CTNNA3: variants seen among roughly 807,000 people sequenced by gnomAD.
The protein encoded by CTNNA3 is catenin alpha-3.
A neutral mutation model predicts 95.7 loss-of-function variants in CTNNA3; 76 were observed. The ratio of observed to expected loss-of-function variants is 0.79; its 90% CI spans 0.66 to 0.96. The LOEUF (loss-of-function observed/expected upper bound fraction) is 0.96, where lower values mean the gene tolerates loss of function less well. CTNNA3 is among the 40% of genes least tolerant of loss of function. CTNNA3 has a pLI of 0.00. For synonymous variants in CTNNA3, 431 were observed against 374.4 expected (o/e 1.15, Z -1.74); for missense variants, 1,191 against 1,089.8 (o/e 1.09, Z -1.31).
intron 10 of CTNNA3, among the ~76,000 whole-genome samples, chr10:66,584,473 T>C (rs1431069108): frequency 2.0e-5 from 3 of 152,042 alleles, no homozygotes; most frequent in Non-Finnish European, 2.9e-5. Context: ...CTCTAAAGTC[T>C]ATTTTATTTG....
chr10:66,430,947 A>G, intron 11 of CTNNA3, among the ~76,000 whole-genome samples: 1 of 152,178 alleles, frequency 6.6e-6, no homozygotes, highest in Non-Finnish European at 1.5e-5. Context: ...AAAAGAAACT[A>G]CCGTCAGAGT....
chr10:67,042,924 C>A (rs139174381), intron 7 of CTNNA3, among the ~76,000 whole-genome samples: 1 of 151,944 alleles, frequency 6.6e-6, no homozygotes, highest in Non-Finnish European at 1.5e-5. Context: ...TGAATATATT[C>A]GAACGCTATA....
intron 4 of CTNNA3, among the ~76,000 whole-genome samples, chr10:67,528,685 T>C (rs1434241142): frequency 6.6e-6 from 1 of 152,196 alleles, no homozygotes; most frequent in Admixed American, 6.5e-5. Context: ...TTTTATCTAG[T>C]CTGTAAATTC....
intron 6 of CTNNA3, among the ~76,000 whole-genome samples, chr10:67,204,274 G>A (rs1376021573): frequency 2.6e-5 from 4 of 152,088 alleles, no homozygotes; most frequent in Non-Finnish European, 5.9e-5. Context: ...AGATCATGGA[G>A]GCAGAGTTCT....
intron 7 of CTNNA3, among the ~76,000 whole-genome samples, chr10:66,997,652 T>C (rs1256575360): frequency 1.3e-5 from 2 of 152,216 alleles, no homozygotes; most frequent in African/African-American, 4.8e-5. Context: ...ACCATCTCTC[T>C]GTTCTATCAC....
chr10:67,181,453 A>G (rs1333140650), intron 6 of CTNNA3, among the ~76,000 whole-genome samples: 1 of 152,184 alleles, frequency 6.6e-6, no homozygotes, highest in Admixed American at 6.5e-5. Context: ...AATTGAAGAA[A>G]GAGATAGTGT....
chr10:67,368,476 A>T (rs1015395884), intron 5 of CTNNA3, among the ~76,000 whole-genome samples: 1 of 152,206 alleles, frequency 6.6e-6, no homozygotes, highest in African/African-American at 2.4e-5. Flanking sequence ...GTAAAAATAC[A>T]TCTACCATGT....
chr10:67,691,804 G>T (rs1357976568), intron 1 of CTNNA3, among the ~76,000 whole-genome samples: 1 of 149,884 alleles, frequency 6.7e-6, no homozygotes, highest in Non-Finnish European at 1.5e-5. Context: ...CGTCCAGGAG[G>T]TGAGGGGCGC....
intron 1 of CTNNA3, among the ~76,000 whole-genome samples, chr10:67,655,904 G>A (rs1022471561): frequency 6.6e-6 from 1 of 151,528 alleles, no homozygotes; most frequent in Non-Finnish European, 1.5e-5. Context: ...GTGAAGGATT[G>A]AAACCAGATG....
intron 9 of CTNNA3, among the ~76,000 whole-genome samples, chr10:66,729,901 G>A (rs542166001): frequency 6.7e-4 from 101 of 151,238 alleles, no homozygotes; most frequent in Non-Finnish European, 1.2e-3. Context: ...TCAGGAGATC[G>A]AGACCATCCT....
At chr10:67,283,292 A>G (rs1035281478) in intron 5 of CTNNA3, among the ~76,000 whole-genome samples, 3 of 152,196 alleles carry the variant, frequency 2.0e-5, no homozygotes, top group Non-Finnish European at 4.4e-5. Flanking sequence ...TGCCAGGAAA[A>G]GGCAGTCTCC....
At chr10:66,626,689 C>CA (rs1322412738) in intron 9 of CTNNA3, among the ~76,000 whole-genome samples, 1 of 151,954 alleles carries the variant, frequency 6.6e-6, no homozygotes, top group South Asian at 2.1e-4. Flanking sequence ...ATGGGGCCTA[C>CA]AAAAAATCCA....
chr10:67,416,024 A>C (rs984367235), intron 5 of CTNNA3, among the ~76,000 whole-genome samples: 2 of 152,200 alleles, frequency 1.3e-5, no homozygotes, highest in African/African-American at 4.8e-5. Context: ...TTAAATGTAA[A>C]TCCTCAAACT....
Position 66,742,594 on chromosome 10 carries a change from C to T in CTNNA3, c.1281+23670G>A, listed in dbSNP as rs1339328117. On this transcript the variant is annotated intron_variant, in intron 9 of 17. Coordinates refer to ENST00000433211, the MANE Select transcript of CTNNA3 (RefSeq NM_013266.4). ...CAGGGGGCATCACAGAACCTGCCGA[C>T]AGGATGTCTCCCCCGGACACCCAGC... 2.0e-5 allele frequency among the ~76,000 whole-genome samples: 3 copies of T among 152,228 alleles called. No individual in the cohort carries two copies. In the East Asian group the frequency reaches 5.8e-4, roughly 30 times the overall value.
chr10:67,428,925 T>C (rs943432799), intron 5 of CTNNA3, among the ~76,000 whole-genome samples: 1 of 151,974 alleles, frequency 6.6e-6, no homozygotes, highest in Non-Finnish European at 1.5e-5. Flanking sequence ...AGACAGGACC[T>C]TGTGATCATG....
chr10:67,052,822 C>T (rs1855194716), intron 7 of CTNNA3: 1 of 151,876 alleles, frequency 6.6e-6, no homozygotes, highest in Non-Finnish European at 1.5e-5. Context: ...ATTGATTCTG[C>T]TGAATGAAAA....
intron 12 of CTNNA3, among the ~76,000 whole-genome samples, chr10:66,288,483 T>A (rs1242633286): frequency 6.6e-6 from 1 of 152,126 alleles, no homozygotes; most frequent in Non-Finnish European, 1.5e-5. Context: ...CACCACTGAG[T>A]TGCTCATACT....
At chr10:67,605,306 A>G (rs1443735321) in intron 3 of CTNNA3, among the ~76,000 whole-genome samples, 1 of 152,220 alleles carries the variant, frequency 6.6e-6, no homozygotes, top group Non-Finnish European at 1.5e-5. Flanking sequence ...TATATGTAGA[A>G]TCTTTGTTTA....
At chr10:66,517,745 A>G (rs1840914730) in intron 11 of CTNNA3, among the ~76,000 whole-genome samples, 2 of 151,884 alleles carry the variant, frequency 1.3e-5, no homozygotes, top group African/African-American at 2.4e-5. Flanking sequence ...CTTACCCCCA[A>G]TTTTTTCTTG....
Sources: gnomAD v4.1 joint callset for allele counts (sites outside exome capture counted in the v4.1 genomes callset) on GRCh38, gnomAD v4.1.1 for gene constraint, MANE v1.5 for transcripts, NCBI Gene and HGNC (gene_info 2026-07-23, HGNC 2026-07-21) for gene names.